The following SPMAP2L variants were observed in gnomAD, a reference collection of about 807,000 sequenced individuals.
The protein encoded by SPMAP2L is sperm microtubule associated protein 2 like, also known as sperm microtubule associated protein 2-like.
At chr4:56,574,433 A>C in the SPMAP2L span, among the ~76,000 whole-genome samples, 2 of 152,136 alleles carry the variant, frequency 1.3e-5, no homozygotes, top group Non-Finnish European at 2.9e-5. Flanking sequence ...AATAATAAAT[A>C]GACAAATAAA....
chr4:56,534,443 T>G, the SPMAP2L span, among the ~76,000 whole-genome samples: 9 of 152,348 alleles, frequency 5.9e-5, no homozygotes, highest in South Asian at 1.0e-3. Context: ...AAGTGACCAA[T>G]GGCTTAGTCC....
the SPMAP2L span, among the ~76,000 whole-genome samples, chr4:56,603,789 T>C: frequency 6.6e-6 from 1 of 152,216 alleles, no homozygotes; most frequent in African/African-American, 2.4e-5. Context: ...GAAAAAACAC[T>C]GAAAAAGTGA....
At chr4:56,589,752 T>G in the SPMAP2L span, among the ~76,000 whole-genome samples, 1 of 151,754 alleles carries the variant, frequency 6.6e-6, no homozygotes, top group Non-Finnish European at 1.5e-5. Context: ...GGGGGTTTTG[T>G]TTTTTTGTTT....
the SPMAP2L span, among the ~76,000 whole-genome samples, chr4:56,604,122 G>A: frequency 6.6e-6 from 1 of 152,160 alleles, no homozygotes; most frequent in African/African-American, 2.4e-5. Flanking sequence ...TACCTTTAAC[G>A]TCTTTGTGTT....
At chr4:56,533,783 CA>C in the SPMAP2L span, among the ~76,000 whole-genome samples, 2,033 of 136,012 alleles carry the variant, frequency 0.015, 16 homozygotes, top group Non-Finnish European at 0.024. Context: ...CTCCTTTCTA[CA>C]AAAAAAAAAA....
chr4:56,600,966 C>T, the SPMAP2L span: 1 of 1,535,246 alleles, frequency 6.5e-7, no homozygotes. Context: ...CTAAACCTAG[C>T]CCCCGAACAA....
chr4:56,574,262 T>TA, the SPMAP2L span, among the ~76,000 whole-genome samples: 16 of 151,762 alleles, frequency 1.1e-4, no homozygotes, highest in Admixed American at 7.9e-4. Context: ...CGTACAAATA[T>TA]AAAAAAATTA....
chr4:56,547,388 G>A, the SPMAP2L span, among the ~76,000 whole-genome samples: 1 of 152,056 alleles, frequency 6.6e-6, no homozygotes, highest in African/African-American at 2.4e-5. Context: ...TGGGATTACA[G>A]GCACACACCA....
chr4:56,570,232 G>A, the SPMAP2L span, among the ~76,000 whole-genome samples: 2 of 152,192 alleles, frequency 1.3e-5, no homozygotes, highest in Admixed American at 6.5e-5. Context: ...TACCCAGGAA[G>A]CCTCTATCTC....
At chr4:56,537,779 A>G in the SPMAP2L span, among the ~76,000 whole-genome samples, 8,675 of 146,622 alleles carry the variant, frequency 0.059, 464 homozygotes, top group East Asian at 0.2. Context: ...TACAAGCTCC[A>G]CCTCCCGGGT....
At chr4:56,585,580 G>C in the SPMAP2L span, among the ~76,000 whole-genome samples, 1 of 152,020 alleles carries the variant, frequency 6.6e-6, no homozygotes, top group Non-Finnish European at 1.5e-5. Context: ...GGGCTCAAGC[G>C]ATCCTCCCAC....
chr4:56,624,977 C>T, the SPMAP2L span, among the ~76,000 whole-genome samples: 2 of 152,074 alleles, frequency 1.3e-5, no homozygotes, highest in Non-Finnish European at 2.9e-5. Flanking sequence ...TACTGTGCAC[C>T]TGGAAAAGCT....
At chr4:56,570,356 C>T in the SPMAP2L span, among the ~76,000 whole-genome samples, 2 of 152,156 alleles carry the variant, frequency 1.3e-5, no homozygotes, top group African/African-American at 2.4e-5. Flanking sequence ...AGTTGTTGTA[C>T]AAACATCATA....
chr4:56,577,970 T>A, the SPMAP2L span, among the ~76,000 whole-genome samples: 1 of 152,104 alleles, frequency 6.6e-6, no homozygotes, highest in East Asian at 1.9e-4. Context: ...AGAGTGAGAC[T>A]GTGTCCCAAA....
At chr4:56,547,242 CTTTTT>C in the SPMAP2L span, among the ~76,000 whole-genome samples, 5 of 125,944 alleles carry the variant, frequency 4.0e-5, no homozygotes, top group Non-Finnish European at 6.8e-5. Context: ...TACTAATTCT[CTTTTT>C]TTTTTTTTTT....
chr4:56,540,635 AAGAGAAAGAAAGAAAAG>A, the SPMAP2L span, among the ~76,000 whole-genome samples: 2 of 152,098 alleles, frequency 1.3e-5, no homozygotes, highest in Admixed American at 6.6e-5. Flanking sequence ...GAAAGGAAGA[AAGAGAAAGAAAGAAAAG>A]AGAGAAAGAA....
the SPMAP2L span, among the ~76,000 whole-genome samples, chr4:56,561,653 G>A: frequency 6.6e-6 from 1 of 152,036 alleles, no homozygotes; most frequent in African/African-American, 2.4e-5. Context: ...CATTCATGAA[G>A]GATCCGTCCC....
At chr4:56,594,373 A>T in the SPMAP2L span, 2 of 1,571,306 alleles carry the variant, frequency 1.3e-6, no homozygotes, top group Non-Finnish European at 1.8e-6. Context: ...CACCTATCAC[A>T]TGGAAAGAAT....
At chr4:56,598,299 G>C in the SPMAP2L span, among the ~76,000 whole-genome samples, 1 of 152,226 alleles carries the variant, frequency 6.6e-6, no homozygotes, top group Non-Finnish European at 1.5e-5. Context: ...GAGTCAGTCA[G>C]TATATGTTTA....
Sources: allele counts gnomAD v4.1 joint callset (sites outside exome capture counted in the v4.1 genomes callset), GRCh38; gene constraint gnomAD v4.1.1; transcripts MANE v1.5; gene names NCBI Gene and HGNC (gene_info 2026-07-23, HGNC 2026-07-21).